The following ASPH variants were observed in gnomAD, a reference collection of about 807,000 sequenced individuals.
ASPH encodes the protein aspartyl/asparaginyl beta-hydroxylase.
Under a neutral mutation model 118.4 loss-of-function variants are expected in ASPH, and 100 were observed. The ratio of observed to expected loss-of-function variants is 0.84; its 90% CI spans 0.72 to 1.00. The LOEUF (loss-of-function observed/expected upper bound fraction) is 1.00, where lower values mean the gene tolerates loss of function less well. Ranked by LOEUF, ASPH falls within the 50% of genes least tolerant of loss-of-function variation. The pLI, the probability that ASPH is intolerant of heterozygous loss-of-function variation, is 0.00. For synonymous variants in ASPH, 315 were observed against 325.6 expected, an observed-to-expected ratio of 0.97 and a Z score of 0.35; for missense variants, 920 against 919.5, an observed-to-expected ratio of 1.00 and a Z score of -0.01.
chr8:61,598,735 T>C (rs1013583596), intron 14 of ASPH, among the ~76,000 whole-genome samples: 5 of 152,200 alleles, frequency 3.3e-5, no homozygotes, highest in Non-Finnish European at 1.5e-5. Context: ...AGGTAGACCA[T>C]ATGTTAGGCC....
chr8:61,622,674 G>T (rs1378711413), intron 13 of ASPH, among the ~76,000 whole-genome samples: 2 of 152,082 alleles, frequency 1.3e-5, no homozygotes, highest in Non-Finnish European at 2.9e-5. Context: ...CCTGCTCTTT[G>T]GCCTCCCTCC....
intron 21 of ASPH, among the ~76,000 whole-genome samples, chr8:61,534,478 TA>T (rs528251658): frequency 1.5e-4 from 22 of 148,960 alleles, no homozygotes; most frequent in East Asian, 7.8e-4. Flanking sequence ...CAGTAGAAAG[TA>T]AAAAAAAAAG....
intron 24 of ASPH, among the ~76,000 whole-genome samples, chr8:61,504,382 C>T (rs1805616693): frequency 6.6e-6 from 1 of 152,160 alleles, no homozygotes; most frequent in African/African-American, 2.4e-5. Flanking sequence ...CTTAAGCCTT[C>T]AAAATTTTAC....
intron 14 of ASPH, among the ~76,000 whole-genome samples, chr8:61,609,069 G>T (rs1846471547): frequency 6.6e-6 from 1 of 152,172 alleles, no homozygotes; most frequent in Non-Finnish European, 1.5e-5. Flanking sequence ...GGAGGAAAGG[G>T]GAAGTTAGAT....
intron 24 of ASPH, among the ~76,000 whole-genome samples, chr8:61,504,737 G>A (rs752314669): frequency 3.3e-5 from 5 of 152,138 alleles, no homozygotes; most frequent in Admixed American, 6.5e-5. Flanking sequence ...CCATAGTTGT[G>A]ACAACCAGAA....
intron 21 of ASPH, among the ~76,000 whole-genome samples, chr8:61,526,748 T>C (rs1236067377): frequency 2.0e-5 from 3 of 152,028 alleles, no homozygotes; most frequent in Non-Finnish European, 4.4e-5. Flanking sequence ...TTATGACCAG[T>C]AGAGACTAGG....
chr8:61,639,007 TCTTA>T (rs1314122222), intron 10 of ASPH, among the ~76,000 whole-genome samples: 1 of 152,214 alleles, frequency 6.6e-6, no homozygotes, highest in Non-Finnish European at 1.5e-5. Context: ...GTTTATTCTT[TCTTA>T]TTCATTTAAT....
chr8:61,518,080 A>G lies in ASPH; in HGVS notation c.1944T>C (p.Cys648=), dbSNP rs772428566. The change falls in exon 23 of 25, where the codon TGT becomes TGC. Residue 648 remains cysteine, a synonymous_variant. Coordinates refer to ENST00000379454, the MANE Select transcript of ASPH (RefSeq NM_004318.4). The part of the protein sequence containing the change: ...ENACKGAPKT[C]TLLEKFPETT... ...TCTCGGGGAACTTTTCTAGTAAGGT[A>G]CAGGTTTTAGGAGCTCCTTTGCAGG... The G allele has an allele frequency of 4.3e-6, 7 of 1,613,882 alleles. No individual in the cohort carries two copies. The highest frequency in any genetic ancestry group is 5.9e-6 in the Non-Finnish European group (7 of 1,179,920).
rs1481320388 is a variant in ASPH, at chr8:61,555,934, G to A, written c.1526C>T (p.Pro509Leu). 6.2e-7 allele frequency: 1 copy of A among 1,613,772 alleles called. No individual in the cohort carries two copies. Reference protein sequence around the residue: ...KAQNKIAESIPYLKEGIESGD... With the variant: ...KAQNKIAESILYLKEGIESGD... ...AGCAGTGAGCATTACCTTTAAATAT[G>A]GGATGCTCTCAGCAATTTTGTTCTG... is the stretch of plus-strand genomic sequence containing the variant. The change falls in exon 19 of 25, where the codon CCA (proline) becomes CTA (leucine). Residue 509 changes from proline (P) to leucine (L), a missense_variant. Pro to Leu is a moderately conservative substitution (Grantham distance 98). Transcript: ENST00000379454.
chr8:61,574,775 C>G (rs1355848219), intron 16 of ASPH, among the ~76,000 whole-genome samples: 1 of 152,136 alleles, frequency 6.6e-6, no homozygotes, highest in African/African-American at 2.4e-5. Context: ...AGCAAACCAC[C>G]ATGGCACGTG....
At chr8:61,680,794 T>C (rs1827667950) in intron 3 of ASPH, 174 bp downstream of exon 3, 1 of 455,176 alleles carries the variant, frequency 2.2e-6, no homozygotes, top group Non-Finnish European at 3.9e-6. Context: ...TAAATTGACA[T>C]GAAAGAGTGT....
intron 13 of ASPH, among the ~76,000 whole-genome samples, chr8:61,632,485 A>C (rs1394230633): frequency 6.6e-6 from 1 of 152,242 alleles, no homozygotes; most frequent in Non-Finnish European, 1.5e-5. Context: ...AGCAGTATTC[A>C]AAAATGAAAA....
chr8:61,507,078 G>A (rs1399537183), intron 24 of ASPH, among the ~76,000 whole-genome samples: 1 of 152,072 alleles, frequency 6.6e-6, no homozygotes, highest in Admixed American at 6.6e-5. Context: ...GTATAACAAA[G>A]CCAAAGATCT....
chr8:61,549,333 TA>T (rs1825041229), intron 20 of ASPH, among the ~76,000 whole-genome samples: 1 of 152,208 alleles, frequency 6.6e-6, no homozygotes, highest in Non-Finnish European at 1.5e-5. Flanking sequence ...ATTTTTCCAA[TA>T]ACCCCAAATA....
At chr8:61,569,944 T>C (rs370880221) in intron 16 of ASPH, among the ~76,000 whole-genome samples, 1 of 152,072 alleles carries the variant, frequency 6.6e-6, no homozygotes, top group African/African-American at 2.4e-5. Context: ...AGTTTTGTTA[T>C]AGTGAGTTAA....
rs1411771792 is a variant in ASPH, at chr8:61,601,402, G to A, written c.977-17373C>T. ...CTAAAAATACAAAAATTAGCCAGGC[G>A]TGGTGGCGGGTGCCTGTAATCCCAG... On this transcript the variant is annotated intron_variant, in intron 14 of 24. Transcript: ENST00000379454. Among the ~76,000 whole-genome samples the A allele has an allele frequency of 1.4e-4, 21 of 151,020 alleles. No homozygotes were observed. In the South Asian group the frequency reaches 2.1e-3, roughly 15 times the overall value.
intron 21 of ASPH, among the ~76,000 whole-genome samples, chr8:61,547,418 C>A (rs921223078): frequency 6.6e-6 from 1 of 152,122 alleles, no homozygotes; most frequent in African/African-American, 2.4e-5. Flanking sequence ...TTCTCTAGAC[C>A]CTTTTAGGGG....
intron 3 of ASPH, chr8:61,658,423 G>A (rs1457276890): frequency 2.0e-5 from 3 of 152,218 alleles, no homozygotes; most frequent in African/African-American, 4.8e-5. Context: ...ACTGGTGAGA[G>A]TGGACTCACT....
At chr8:61,557,518 T>C (rs570489875) in intron 18 of ASPH, among the ~76,000 whole-genome samples, 1 of 152,302 alleles carries the variant, frequency 6.6e-6, no homozygotes, top group Non-Finnish European at 1.5e-5. Context: ...CCCGCATTAC[T>C]AAAACTGAAC....
Sources: allele counts gnomAD v4.1 joint callset (sites outside exome capture counted in the v4.1 genomes callset), GRCh38; gene constraint gnomAD v4.1.1; transcripts MANE v1.5; gene names NCBI Gene and HGNC (gene_info 2026-07-23, HGNC 2026-07-21).